SLIT3: variants seen among roughly 807,000 people sequenced by gnomAD.
SLIT3 encodes slit homolog 3 protein.
SLIT3 carries 68 observed loss-of-function variants against 184.0 expected under a neutral mutation model. The ratio of observed to expected loss-of-function variants is 0.37; its 90% confidence interval spans 0.30 to 0.45. The LOEUF (loss-of-function observed/expected upper bound fraction) is 0.45, where lower values mean the gene tolerates loss of function less well. Ranked by LOEUF, SLIT3 falls within the 20% of genes least tolerant of loss-of-function variation. The probability of loss-of-function intolerance (pLI) is 1.00; values close to 1 mark genes in which losing one functional copy is unlikely to be tolerated. For missense variants in SLIT3, 1,707 were observed against 2,026.0 expected (o/e 0.84, Z 3.02); for synonymous variants, 831 against 828.6 (o/e 1.00, Z -0.05).
At chr5:168,989,885 CCT>C (rs1755261097) in intron 4 of SLIT3, among the ~76,000 whole-genome samples, 1 of 152,130 alleles carries the variant, frequency 6.6e-6, no homozygotes, top group Non-Finnish European at 1.5e-5. Flanking sequence ...TTGAATGTCC[CCT>C]GAGGTCCCTT....
intron 4 of SLIT3, among the ~76,000 whole-genome samples, chr5:169,192,411 T>C (rs1763583578): frequency 6.9e-6 from 1 of 145,140 alleles, no homozygotes; most frequent in South Asian, 2.3e-4. Flanking sequence ...AATAAATTTA[T>C]GTATATAGTC....
intron 12 of SLIT3, among the ~76,000 whole-genome samples, chr5:168,778,145 A>G (rs775318338): frequency 9.9e-5 from 15 of 152,188 alleles, no homozygotes; most frequent in Admixed American, 7.9e-4. Flanking sequence ...GTGTGAAATG[A>G]TAATAATGCA....
chr5:168,729,503 G>T (rs1167418288), intron 20 of SLIT3, among the ~76,000 whole-genome samples: 1 of 142,824 alleles, frequency 7.0e-6, no homozygotes, highest in Non-Finnish European at 1.5e-5. Context: ...AGTGCTGAAA[G>T]AAAAAAAAAA....
At chr5:168,881,805 T>C (rs983717227) in intron 5 of SLIT3, among the ~76,000 whole-genome samples, 14 of 152,202 alleles carry the variant, frequency 9.2e-5, no homozygotes, top group African/African-American at 3.4e-4. Context: ...CTCAGGAAGA[T>C]ATAAACTCAG....
chr5:168,795,484 A>T (rs1756533484), intron 10 of SLIT3, 23 bp downstream of exon 10: 1 of 1,591,120 alleles, frequency 6.3e-7, no homozygotes, highest in Admixed American at 1.7e-5. Context: ...ATTTGGGCCC[A>T]TTTCTCCACA....
chr5:168,740,845 G>C (rs922183005), intron 20 of SLIT3, among the ~76,000 whole-genome samples: 1 of 152,168 alleles, frequency 6.6e-6, no homozygotes, highest in Non-Finnish European at 1.5e-5. Flanking sequence ...TGAGCTTTGG[G>C]GAAAAGCATT....
intron 4 of SLIT3, among the ~76,000 whole-genome samples, chr5:168,979,259 A>G (rs1158173709): frequency 1.3e-5 from 2 of 152,214 alleles, no homozygotes; most frequent in African/African-American, 4.8e-5. Context: ...TGCAGGCTAA[A>G]TATCACAGGC....
intron 1 of SLIT3, among the ~76,000 whole-genome samples, chr5:169,252,407 T>C (rs566992191): frequency 9.8e-5 from 15 of 152,296 alleles, no homozygotes; most frequent in East Asian, 3.9e-4. Context: ...GGCGGTGATA[T>C]TGAAGTGAGG....
At chr5:168,900,973 G>A (rs1243276617) in intron 4 of SLIT3, among the ~76,000 whole-genome samples, 1 of 152,150 alleles carries the variant, frequency 6.6e-6, no homozygotes, top group African/African-American at 2.4e-5. Context: ...GAAGGTGGCT[G>A]GATGATGAGA....
intron 3 of SLIT3, among the ~76,000 whole-genome samples, chr5:169,229,670 C>CTCTCTCTCTA (rs1764931083): frequency 6.8e-6 from 1 of 147,954 alleles, no homozygotes; most frequent in Non-Finnish European, 1.5e-5. Flanking sequence ...CTCTCTCTCT[C>CTCTCTCTCTA]CTTATTCATC....
intron 1 of SLIT3, among the ~76,000 whole-genome samples, chr5:169,285,739 A>C (rs1250737126): frequency 6.6e-6 from 1 of 152,212 alleles, no homozygotes; most frequent in African/African-American, 2.4e-5. Flanking sequence ...TCACATGTGT[A>C]GACACCCTGC....
At position 168,928,146 on chromosome 5, in the gene SLIT3, G is replaced by A. The variant is rs990517258; in HGVS notation, c.414-44810C>T. 2.6e-5 allele frequency among the ~76,000 whole-genome samples: 4 copies of A among 152,046 alleles called. No homozygotes were observed. In the South Asian group the frequency reaches 6.2e-4, roughly 24 times the overall value. On this transcript the variant is annotated intron_variant, in intron 4 of 35. Coordinates refer to ENST00000519560, the MANE Select transcript of SLIT3 (RefSeq NM_003062.4). Reference sequence around the variant, plus strand: ...ATAACAGGTACTCTTTGTTTAATGTGGCATGTTCCAAATTTTTGCAGTTTT... The same window carrying A: ...ATAACAGGTACTCTTTGTTTAATGTAGCATGTTCCAAATTTTTGCAGTTTT...
chr5:169,150,049 A>T (rs34575317), intron 4 of SLIT3, among the ~76,000 whole-genome samples: 1 of 152,114 alleles, frequency 6.6e-6, no homozygotes, highest in Non-Finnish European at 1.5e-5. Context: ...CAACCCTGGA[A>T]GTTAGATGCC....
intron 1 of SLIT3, among the ~76,000 whole-genome samples, chr5:169,272,756 G>A (rs549938760): frequency 6.6e-6 from 1 of 152,334 alleles, no homozygotes; most frequent in African/African-American, 2.4e-5. Flanking sequence ...AAGAGATGGA[G>A]GTGGCTGCAG....
chr5:169,045,558 T>C (rs2113038936), intron 4 of SLIT3, among the ~76,000 whole-genome samples: 1 of 152,276 alleles, frequency 6.6e-6, no homozygotes, highest in East Asian at 1.9e-4. Flanking sequence ...CAATAGATGA[T>C]TTTTACTGAA....
intron 4 of SLIT3, among the ~76,000 whole-genome samples, chr5:169,153,765 C>A (rs766401831): frequency 6.6e-6 from 1 of 152,232 alleles, no homozygotes; most frequent in Non-Finnish European, 1.5e-5. Context: ...CTGATTCTAA[C>A]CCTTTCCTTT....
intron 4 of SLIT3, among the ~76,000 whole-genome samples, chr5:169,180,684 A>G (rs967079488): frequency 6.6e-6 from 1 of 152,212 alleles, no homozygotes; most frequent in Non-Finnish European, 1.5e-5. Flanking sequence ...ATATTCCCTG[A>G]GCAACTCTGT....
chr5:168,933,704 T>C (rs950155757), intron 4 of SLIT3, among the ~76,000 whole-genome samples: 4 of 152,104 alleles, frequency 2.6e-5, no homozygotes, highest in African/African-American at 7.2e-5. Flanking sequence ...CTCCGAAGCA[T>C]TGATGTGAGT....
At chr5:168,808,102 T>C (rs750216654) in intron 8 of SLIT3, among the ~76,000 whole-genome samples, 7 of 152,208 alleles carry the variant, frequency 4.6e-5, no homozygotes, top group African/African-American at 9.6e-5. Context: ...GAAAATATTC[T>C]TGTCCAGGGT....
Sources: gnomAD v4.1 joint callset for allele counts (sites outside exome capture counted in the v4.1 genomes callset) on GRCh38, gnomAD v4.1.1 for gene constraint, MANE v1.5 for transcripts, NCBI Gene and HGNC (gene_info 2026-07-23, HGNC 2026-07-21) for gene names.